EIF3L: variants seen among roughly 807,000 people sequenced by gnomAD.
The protein encoded by EIF3L is eukaryotic translation initiation factor 3 subunit L, also known as eIEF associated protein HSPC021.
Under a neutral mutation model 74.6 loss-of-function variants are expected in EIF3L, and 32 were observed. The observed-to-expected ratio is 0.43, with a 90% confidence interval of 0.32 to 0.58. The LOEUF (loss-of-function observed/expected upper bound fraction) is 0.58. Ranked by LOEUF, EIF3L falls within the 20% of genes least tolerant of loss-of-function variation. EIF3L has a pLI of 0.06. For missense variants in EIF3L, 474 were observed against 707.8 expected (o/e 0.67, Z 3.75); for synonymous variants, 256 against 254.4 (o/e 1.01, Z -0.06).
intron 7 of EIF3L, among the ~76,000 whole-genome samples, chr22:37,868,477 G>A (rs1339093490): frequency 1.4e-5 from 2 of 148,140 alleles, no homozygotes; most frequent in African/African-American, 5.0e-5. Context: ...CCCCTAAGGC[G>A]GAGTCTTGCT....
At chr22:37,850,322 TTTTTTGTTTTTG>T (rs542709505) in intron 2 of EIF3L, among the ~76,000 whole-genome samples, 19 of 152,052 alleles carry the variant, frequency 1.2e-4, no homozygotes, top group East Asian at 1.9e-4. Context: ...TAAGAAAAGC[TTTTTTGTTTTTG>T]TTTTTGTTTT....
At chr22:37,870,403 G>T in intron 8 of EIF3L, 56 bp downstream of exon 8, 1 of 1,505,796 alleles carries the variant, frequency 6.6e-7, no homozygotes, top group Non-Finnish European at 9.0e-7. Context: ...CTTGCCATCT[G>T]TTCCAAATGA....
In EIF3L at chr22:37,866,070, A is replaced by G. The variant is rs1412342910; in HGVS notation, c.579+2725A>G. 2.6e-5 allele frequency among the ~76,000 whole-genome samples: 4 copies of G among 152,204 alleles called. No homozygotes were observed. The East Asian group carries it at 7.7e-4, about 29-fold the overall frequency. ...TTTTGTTTTTTCAAACTACAGATAT[A>G]GTGAAAGTGCCTGCCTTGCTTGCTT... On this transcript the variant is annotated intron_variant, in intron 7 of 12. Transcript: ENST00000652021.
At chr22:37,862,755 C>G (rs1031944656) in intron 5 of EIF3L, among the ~76,000 whole-genome samples, 1 of 152,184 alleles carries the variant, frequency 6.6e-6, no homozygotes, top group African/African-American at 2.4e-5. Flanking sequence ...CATTTAAGGT[C>G]TGTTGCTGTA....
chr22:37,853,369 G>T (rs953537805), intron 3 of EIF3L, among the ~76,000 whole-genome samples: 1 of 152,224 alleles, frequency 6.6e-6, no homozygotes, highest in African/African-American at 2.4e-5. Flanking sequence ...AGAAAGGAAA[G>T]GACAGTTGGA....
At chr22:37,849,779 C>A (rs1231705634) in intron 1 of EIF3L, 1 of 608,382 alleles carries the variant, frequency 1.6e-6, no homozygotes, top group Non-Finnish European at 2.9e-6. Context: ...CTGGTCAAAT[C>A]TCGCTGATTC....
intron 5 of EIF3L, among the ~76,000 whole-genome samples, chr22:37,860,767 G>A (rs933194599): frequency 6.6e-6 from 1 of 152,196 alleles, no homozygotes. Context: ...TACTGCAGGA[G>A]CTGCTTACCT....
chr22:37,856,704 C>T (rs1925528922), intron 4 of EIF3L, among the ~76,000 whole-genome samples: 1 of 152,074 alleles, frequency 6.6e-6, no homozygotes, highest in Non-Finnish European at 1.5e-5. Flanking sequence ...ATCAGCCGGG[C>T]ATGGTGACAC....
At chr22:37,878,418 A>T (rs76988532) in intron 11 of EIF3L, 4 of 49,346 alleles carry the variant, frequency 8.1e-5, no homozygotes, top group South Asian at 6.4e-4. Context: ...TTTCTCTATT[A>T]AAAAAAAAAA....
chr22:37,861,639 G>A (rs1437865244), intron 5 of EIF3L, among the ~76,000 whole-genome samples: 1 of 151,538 alleles, frequency 6.6e-6, no homozygotes, highest in Non-Finnish European at 1.5e-5. Context: ...AGCTGAGATT[G>A]CACCGCTGCA....
chr22:37,863,638 C>G (rs985316995), intron 7 of EIF3L, among the ~76,000 whole-genome samples: 3 of 152,110 alleles, frequency 2.0e-5, no homozygotes, highest in Non-Finnish European at 4.4e-5. Flanking sequence ...GGCTTTGGAG[C>G]GAGGTGGAAG....
At chr22:37,849,578 G>A in intron 1 of EIF3L, 96 bp downstream of exon 1, 3 of 1,388,372 alleles carry the variant, frequency 2.2e-6, no homozygotes, top group Non-Finnish European at 2.9e-6. Flanking sequence ...CCGGGTCGCG[G>A]CCAGCTCCGG....
intron 8 of EIF3L, 48 bp from the exon 9 acceptor site, chr22:37,874,322 T>C: frequency 6.3e-7 from 1 of 1,585,732 alleles, no homozygotes; most frequent in East Asian, 2.3e-5. Flanking sequence ...CAGGTGTGCC[T>C]GCCTTTACCT....
rs373464512 is a variant in EIF3L at position 37,873,303 on chromosome 22, G to GTT, written c.752-1055_752-1054dup. The stretch of plus-strand genomic sequence containing the variant: ...GCTCAGTTGCGTATCAGTTTTTTTT[G>GTT]TTTTTTTTTTTTTGAGGTGGAGTCT... On this transcript the variant is annotated intron_variant, in intron 8 of 12. Transcript: ENST00000652021. 5.6e-3 allele frequency among the ~76,000 whole-genome samples: 728 copies of GTT among 129,870 alleles called. 19 individuals are homozygous for GTT. The South Asian group carries it at 0.079, about 14-fold the overall frequency. 85.2% of individuals were successfully genotyped at this position (129,870 alleles called of 152,430 possible). A position where few individuals can be genotyped will look rare whatever the true frequency, so the allele number is the denominator to read the frequency against.
chr22:37,862,894 C>G, intron 5 of EIF3L, 75 bp from the exon 6 acceptor site: 1 of 1,049,196 alleles, frequency 9.5e-7, no homozygotes. Flanking sequence ...TTGTTCACAG[C>G]TGTCACAGTA....
intron 3 of EIF3L, among the ~76,000 whole-genome samples, chr22:37,852,044 T>C (rs1925254512): frequency 1.3e-5 from 2 of 152,214 alleles, no homozygotes; most frequent in South Asian, 4.1e-4. Context: ...CCTCAAGTGA[T>C]GTACCCCCGT....
rs776276871 is a variant in EIF3L at position 37,862,953 on chromosome 22, CTT to C, written c.436-15_436-14del. The C allele has an allele frequency of 1.4e-5, 23 of 1,593,756 alleles. No individual in the cohort carries two copies. The highest frequency in any genetic ancestry group is 1.9e-5 in the Non-Finnish European group (22 of 1,166,368). On this transcript the variant is annotated splice_polypyrimidine_tract_variant and intron_variant, in intron 5 of 12. Coordinates refer to ENST00000652021, the MANE Select transcript of EIF3L (RefSeq NM_016091.4). Reference sequence around the variant, plus strand: ...ATTAAATATCTGTATCTTGATATCTCTTGTTTTCTTTACAGGGGGGACCTTCC... The same window carrying C: ...ATTAAATATCTGTATCTTGATATCTCGTTTTCTTTACAGGGGGGACCTTCC...
chr22:37,858,743 A>G lies in EIF3L; in HGVS notation c.435+3A>G. ...GGCACATATATGCCAAAGTCAGTGT[A>G]AGTATTTAAGTGTCGCAGTTTTTTT... On this transcript the variant is annotated splice_donor_region_variant and intron_variant, in intron 5 of 12. Coordinates refer to ENST00000652021, the MANE Select transcript of EIF3L (RefSeq NM_016091.4). The G allele has an allele frequency of 1.3e-6, 2 of 1,596,786 alleles. No individual in the cohort carries two copies. Among genetic ancestry groups the G allele is most frequent in the South Asian group, 2.3e-5 (2 of 85,656 alleles).
Position 37,859,880 on chromosome 22 carries a change from C to T in EIF3L, c.435+1140C>T, listed in dbSNP as rs999062230. Among the ~76,000 whole-genome samples the T allele has an allele frequency of 1.1e-4, 17 of 151,880 alleles. 1 individual carries two copies. The highest frequency in any genetic ancestry group is 5.9e-4 in the Admixed American group (9 of 15,252). ...TACAAAAATAAGCTGGGCGTGGTGGCGGGTGCCTGTAATCCCAGCTACTTG... is the reference window on the plus strand; with the variant it reads ...TACAAAAATAAGCTGGGCGTGGTGGTGGGTGCCTGTAATCCCAGCTACTTG... On this transcript the variant is annotated intron_variant, in intron 5 of 12. Coordinates refer to ENST00000652021, the MANE Select transcript of EIF3L (RefSeq NM_016091.4).
Sources: gnomAD v4.1 joint callset for allele counts (sites outside exome capture counted in the v4.1 genomes callset) on GRCh38, gnomAD v4.1.1 for gene constraint, MANE v1.5 for transcripts, NCBI Gene and HGNC (gene_info 2026-07-23, HGNC 2026-07-21) for gene names.